PCBP3: variants seen among roughly 807,000 people sequenced by gnomAD.
PCBP3 encodes the protein poly(rC)-binding protein 3.
A neutral mutation model predicts 52.7 loss-of-function variants in PCBP3; 25 were observed. The observed-to-expected ratio is 0.47, with a 90% CI of 0.35 to 0.66. PCBP3 has a LOEUF of 0.66. Ranked by LOEUF, PCBP3 falls within the 30% of genes least tolerant of loss-of-function variation. PCBP3 has a pLI of 0.01. For synonymous variants in PCBP3, 162 were observed against 183.0 expected, an observed-to-expected ratio of 0.89 and a Z score of 0.93; for missense variants, 391 against 490.3, an observed-to-expected ratio of 0.80 and a Z score of 1.91.
intron 4 of PCBP3, among the ~76,000 whole-genome samples, chr21:45,795,272 C>G (rs949855407): frequency 4.7e-5 from 7 of 150,390 alleles, no homozygotes; most frequent in Non-Finnish European, 1.0e-4. Flanking sequence ...AACCCACTCT[C>G]TTTTTGGAAG....
rs751301908 is a variant in PCBP3 at position 45,941,861 on chromosome 21, C to T, written c.*155C>T. ...GACGTATGCCATGGAGAAACACACC[C>T]GCGCACACAGCTGCTCTCTACAGAG... On this transcript the variant is annotated 3_prime_UTR_variant, in exon 18 of 18. Transcript: ENST00000681687. 9.8e-5 allele frequency: 53 copies of T among 543,232 alleles called. No homozygotes were observed. Among genetic ancestry groups the T allele is most frequent in the Middle Eastern group, 8.0e-4 (3 of 3,738 alleles). 33.7% of individuals were successfully genotyped at this position (543,232 alleles called of 1,614,324 possible).
chr21:45,796,680 A>G (rs1453524318), intron 4 of PCBP3, among the ~76,000 whole-genome samples: 1 of 151,990 alleles, frequency 6.6e-6, no homozygotes, highest in East Asian at 1.9e-4. Flanking sequence ...CACCTTTTGC[A>G]CCATTAATGC....
chr21:45,900,970 G>A lies in PCBP3; in HGVS notation c.223-27G>A, dbSNP rs200569266. 6.0e-4 allele frequency: 930 copies of A among 1,549,476 alleles called. 2 individuals carry two copies. Among genetic ancestry groups the A allele is most frequent in the African/African-American group, 3.2e-3 (234 of 73,792 alleles). ...CTGGCCCAAGGGTTTTAATCAGGTCGCTGGGGTTTCTCTGCTCTCACCTTA... is the reference window on the plus strand; with the variant it reads ...CTGGCCCAAGGGTTTTAATCAGGTCACTGGGGTTTCTCTGCTCTCACCTTA... On this transcript the variant is annotated intron_variant, in intron 8 of 17. Coordinates refer to ENST00000681687, the MANE Select transcript of PCBP3 (RefSeq NM_001384156.1).
chr21:45,890,507 G>A (rs1156292774), intron 5 of PCBP3, among the ~76,000 whole-genome samples: 1 of 151,936 alleles, frequency 6.6e-6, no homozygotes, highest in African/African-American at 2.4e-5. Flanking sequence ...CTGGAACTCT[G>A]CACTGCTGAG....
intron 4 of PCBP3, among the ~76,000 whole-genome samples, chr21:45,771,478 A>G (rs1292858586): frequency 6.6e-6 from 1 of 152,234 alleles, no homozygotes; most frequent in Non-Finnish European, 1.5e-5. Context: ...AAAATTAATC[A>G]GTATATTTCA....
chr21:45,798,932 G>A (rs1286595400), intron 4 of PCBP3, among the ~76,000 whole-genome samples: 1 of 127,372 alleles, frequency 7.9e-6, no homozygotes, highest in Non-Finnish European at 1.7e-5. Context: ...AGAGTGAATG[G>A]ATGTGTACAT....
At chr21:45,662,809 G>A (rs1377984318) in intron 1 of PCBP3, among the ~76,000 whole-genome samples, 2 of 152,154 alleles carry the variant, frequency 1.3e-5, no homozygotes, top group Admixed American at 6.5e-5. Flanking sequence ...CCTTGGTCTA[G>A]CGGTAATGCC....
intron 3 of PCBP3, among the ~76,000 whole-genome samples, chr21:45,745,931 G>A (rs1308342705): frequency 1.3e-5 from 2 of 151,554 alleles, no homozygotes; most frequent in Admixed American, 6.6e-5. Flanking sequence ...TCAGTCCATT[G>A]ACGTAGCGCC....
chr21:45,894,449 A>G (rs2095768313), intron 5 of PCBP3, among the ~76,000 whole-genome samples: 1 of 152,016 alleles, frequency 6.6e-6, no homozygotes, highest in African/African-American at 2.4e-5. Flanking sequence ...CGGCACCCAC[A>G]GGTGAAAGGG....
At chr21:45,729,476 T>C (rs1226811320) in intron 2 of PCBP3, among the ~76,000 whole-genome samples, 1 of 152,176 alleles carries the variant, frequency 6.6e-6, no homozygotes, top group Non-Finnish European at 1.5e-5. Context: ...TGCCAGACTG[T>C]TTTCCACCCT....
At position 45,910,919 on chromosome 21, in the gene PCBP3, G is replaced by A. The variant is rs1345330184; in HGVS notation, c.489G>A (p.Val163=). The A allele has an allele frequency of 1.2e-6, 2 of 1,609,004 alleles. No individual in the cohort carries two copies. Among genetic ancestry groups the A allele is most frequent in the South Asian group, 1.1e-5 (1 of 90,964 alleles). ...KEIRESTGAQ[V]QVAGDMLPNS... is the part of the protein sequence containing the mutation. ...CTCTCCAGTCCACAGGTGCCCAGGT[G>A]CAGGTGGCTGGGGACATGCTGCCCA... The change falls in exon 11 of 18, where the codon GTG becomes GTA. Residue 163 remains valine (V), a synonymous_variant. Transcript: ENST00000681687.
intron 4 of PCBP3, among the ~76,000 whole-genome samples, chr21:45,824,077 T>C (rs1386916640): frequency 2.6e-5 from 4 of 152,228 alleles, no homozygotes; most frequent in Non-Finnish European, 5.9e-5. Context: ...TCTCAATTTA[T>C]AATGTGTCTT....
At chr21:45,803,908 GT>G (rs1370838351) in intron 4 of PCBP3, among the ~76,000 whole-genome samples, 1 of 152,204 alleles carries the variant, frequency 6.6e-6, no homozygotes, top group Non-Finnish European at 1.5e-5. Context: ...CATGAATGTT[GT>G]TACTGTGCTG....
intron 16 of PCBP3, 129 bp from the exon 17 acceptor site, chr21:45,939,901 G>A: frequency 1.3e-6 from 1 of 793,180 alleles, no homozygotes. Flanking sequence ...CCGGGGTGTT[G>A]AGCTCAGGTC....
intron 2 of PCBP3, among the ~76,000 whole-genome samples, chr21:45,713,035 C>G (rs1337095926): frequency 1.3e-5 from 2 of 152,164 alleles, no homozygotes; most frequent in Non-Finnish European, 2.9e-5. Flanking sequence ...GAGGGTTGCT[C>G]TTTCCATGAG....
chr21:45,785,068 C>T (rs1221956465), intron 4 of PCBP3, among the ~76,000 whole-genome samples: 2 of 151,784 alleles, frequency 1.3e-5, no homozygotes, highest in African/African-American at 2.4e-5. Context: ...CGCCTCTGCC[C>T]TGTCGCCCCG....
rs1478115451 is a variant in PCBP3, at chr21:45,805,710, C to G, written c.-125-44251C>G. Among the ~76,000 whole-genome samples, 1 of 152,214 alleles carries G rather than the reference C, an allele frequency of 6.6e-6. No individual in the cohort carries two copies. ...TGCTGCTGGCAGCTCATCCCTGCACCTGAGCTTGCAGGCATGCTCCTGTCT... is the reference window on the plus strand; with the variant it reads ...TGCTGCTGGCAGCTCATCCCTGCACGTGAGCTTGCAGGCATGCTCCTGTCT... On this transcript the variant is annotated intron_variant, in intron 4 of 17. Coordinates refer to ENST00000681687, the MANE Select transcript of PCBP3 (RefSeq NM_001384156.1). This position sits in a 1 kb window ranked among gnomAD's most constrained non-coding sequence, Gnocchi z 4.6.
At chr21:45,702,766 A>G (rs1416936267) in intron 2 of PCBP3, among the ~76,000 whole-genome samples, 6 of 152,176 alleles carry the variant, frequency 3.9e-5, no homozygotes, top group Admixed American at 1.3e-4. Flanking sequence ...TGCCACATCA[A>G]TGGACTCTTC....
intron 4 of PCBP3, chr21:45,760,797 C>T (rs2088563491): frequency 6.6e-6 from 1 of 152,114 alleles, no homozygotes; most frequent in South Asian, 2.1e-4. Context: ...TTTAAAAGTT[C>T]CATTGAGGCC....
Sources: allele counts gnomAD v4.1 joint callset (sites outside exome capture counted in the v4.1 genomes callset), GRCh38; gene constraint gnomAD v4.1.1; non-coding constraint Gnocchi (gnomAD v3.1); transcripts MANE v1.5; gene names NCBI Gene and HGNC (gene_info 2026-07-23, HGNC 2026-07-21).